The following MLLT1 variants were observed in gnomAD, a reference collection of about 807,000 sequenced individuals.
The protein encoded by MLLT1 is MLLT1 super elongation complex subunit, also known as protein ENL.
MLLT1 carries 11 observed loss-of-function variants against 55.1 expected under a neutral mutation model. The observed-to-expected ratio is 0.20, with a 90% CI of 0.13 to 0.33. The LOEUF is 0.33. Among genes scored for constraint, MLLT1 ranks in the 10% least tolerant of loss-of-function variants. The pLI, the probability that MLLT1 is intolerant of heterozygous loss-of-function variation, is 1.00. For synonymous variants in MLLT1, 323 were observed against 320.1 expected, an observed-to-expected ratio of 1.01 and a Z score of -0.10; for missense variants, 536 against 760.6, an observed-to-expected ratio of 0.70 and a Z score of 3.47.
intron 3 of MLLT1, among the ~76,000 whole-genome samples, chr19:6,254,004 C>T (rs1012161984): frequency 1.3e-5 from 2 of 152,108 alleles, no homozygotes; most frequent in Non-Finnish European, 2.9e-5. Context: ...GGAAGTGATA[C>T]GAGCATCTTT....
chr19:6,235,482 G>A lies in MLLT1; in HGVS notation c.277-4769C>T, dbSNP rs2091051487. ...CAGCCTGGGCTAAGAAGGGCACCTG[G>A]GGAGGCGCAGCCAGACGGTACCAAA... On this transcript the variant is annotated intron_variant, in intron 3 of 11. Coordinates refer to ENST00000252674, the MANE Select transcript of MLLT1 (RefSeq NM_005934.4). The surrounding 1 kb of genome is among the most constrained non-coding windows in gnomAD (Gnocchi z 5.5). Among the ~76,000 whole-genome samples the A allele has an allele frequency of 6.6e-6, 1 of 152,220 alleles. No individual in the cohort carries two copies. Among genetic ancestry groups the A allele is most frequent in the South Asian group, 2.1e-4 (1 of 4,830 alleles).
chr19:6,254,424 A>G (rs775815068), intron 3 of MLLT1, among the ~76,000 whole-genome samples: 27 of 152,366 alleles, frequency 1.8e-4, no homozygotes, highest in Non-Finnish European at 3.7e-4. Flanking sequence ...TGTTGAACAT[A>G]AGGAGGGGCA....
intron 1 of MLLT1, among the ~76,000 whole-genome samples, chr19:6,274,152 C>T (rs1178107398): frequency 6.6e-6 from 1 of 152,218 alleles, no homozygotes; most frequent in South Asian, 2.1e-4. Flanking sequence ...GGGTGCCCGG[C>T]CTGCTGCACC....
At chr19:6,215,588 G>A (rs775544417) in intron 8 of MLLT1, among the ~76,000 whole-genome samples, 8 of 152,312 alleles carry the variant, frequency 5.3e-5, no homozygotes, top group South Asian at 2.1e-4. Flanking sequence ...CCCAGCTTGC[G>A]TGAAGGTGGC....
chr19:6,236,718 G>A (rs557716647), intron 3 of MLLT1, among the ~76,000 whole-genome samples: 3 of 152,268 alleles, frequency 2.0e-5, no homozygotes, highest in Admixed American at 6.5e-5. Flanking sequence ...AGGGGGCTGC[G>A]GACCCCTTCC....
chr19:6,264,389 C>T (rs1252299511), intron 2 of MLLT1, among the ~76,000 whole-genome samples: 1 of 152,028 alleles, frequency 6.6e-6, no homozygotes, highest in East Asian at 1.9e-4. Context: ...ATTAGGAAAT[C>T]AGGAGGCCCG....
At chr19:6,213,608 C>T (rs1423696286) in intron 10 of MLLT1, 118 bp downstream of exon 10, 18 of 1,117,396 alleles carry the variant, frequency 1.6e-5, no homozygotes, top group Non-Finnish European at 2.1e-5. Context: ...TGTCCCTGCT[C>T]CTGCCCAGGA....
intron 5 of MLLT1, among the ~76,000 whole-genome samples, chr19:6,223,451 G>A (rs1280878468): frequency 6.6e-6 from 1 of 152,236 alleles, no homozygotes; most frequent in African/African-American, 2.4e-5. Context: ...TGAGGACAGA[G>A]GTAAGATGAT....
chr19:6,269,406 T>C lies in MLLT1; in HGVS notation c.193+1173A>G, dbSNP rs548138619. On this transcript the variant is annotated intron_variant, in intron 2 of 11. Coordinates refer to ENST00000252674, the MANE Select transcript of MLLT1 (RefSeq NM_005934.4). ...GAAGCGGTTTATAAACATCTGCCGC[T>C]GTCAGGAGCCTCCGCGGCCATCCTC... Among the ~76,000 whole-genome samples, 19 of 152,304 alleles carry C rather than the reference T, an allele frequency of 1.2e-4. 1 individual carries two copies. The highest frequency in any genetic ancestry group is 6.8e-3 in the Middle Eastern group (2 of 294).
In MLLT1 at chr19:6,211,456, G is replaced by C. The variant is rs1173726917; in HGVS notation, c.*1586C>G. ...TGGAGGCATGGGTCCCCACCAAGGA[G>C]TGTTCAGGATCTGCTGACAGAATCA... On this transcript the variant is annotated 3_prime_UTR_variant, in exon 12 of 12. Coordinates refer to ENST00000252674, the MANE Select transcript of MLLT1 (RefSeq NM_005934.4). This position sits in a 1 kb window ranked among gnomAD's most constrained non-coding sequence, Gnocchi z 4.6. The C allele has an allele frequency of 5.8e-6, 2 of 342,570 alleles. No homozygotes were observed. Among genetic ancestry groups the C allele is most frequent in the Non-Finnish European group, 9.2e-6 (2 of 218,382 alleles). The allele number at this position is 342,570 out of a possible 1,614,324, so 21.2% of individuals were successfully genotyped here.
Position 6,210,948 on chromosome 19 carries a change from A to C in MLLT1, c.*2094T>G. 1 of 231,012 alleles carries C rather than the reference A, an allele frequency of 4.3e-6. No homozygotes were observed. 14.3% of individuals were successfully genotyped at this position (231,012 alleles called of 1,614,324 possible). A position where few individuals can be genotyped will look rare whatever the true frequency, so the allele number is the denominator to read the frequency against. ...CTGAGAACTGGGTTGGTGCTTCCGG[A>C]GGCCTTGGAAACGGCAGGAAGGGCC... On this transcript the variant is annotated 3_prime_UTR_variant, in exon 12 of 12. Transcript: ENST00000252674. This position sits in a 1 kb window ranked among gnomAD's most constrained non-coding sequence, Gnocchi z 4.6.
At chr19:6,265,049 C>CAAAAA (rs2091336941) in intron 2 of MLLT1, among the ~76,000 whole-genome samples, 4 of 23,300 alleles carry the variant, frequency 1.7e-4, no homozygotes, top group Non-Finnish European at 4.6e-4. Flanking sequence ...AAAAAAAAAA[C>CAAAAA]AAAAAAACAA....
At chr19:6,261,451 C>A (rs973615813) in intron 3 of MLLT1, among the ~76,000 whole-genome samples, 149 of 152,216 alleles carry the variant, frequency 9.8e-4, no homozygotes, top group African/African-American at 3.4e-3. Flanking sequence ...AGTAACCAAG[C>A]GGGGCGGCAT....
At chr19:6,223,350 C>T (rs1258761383) in intron 5 of MLLT1, among the ~76,000 whole-genome samples, 2 of 152,198 alleles carry the variant, frequency 1.3e-5, no homozygotes, top group Admixed American at 6.5e-5. Flanking sequence ...CCGCCTGGGT[C>T]GCTTTCCTAA....
chr19:6,219,094 G>A lies in MLLT1; in HGVS notation c.1111-1053C>T, dbSNP rs1362364842. ...GGACCTTGAGTGCCTGGGAGCCCCC[G>A]GCCCCTCCCCTAGCATGTGGAGGAG... On this transcript the variant is annotated intron_variant, in intron 6 of 11. Transcript: ENST00000252674. The surrounding 1 kb of genome is among the most constrained non-coding windows in gnomAD (Gnocchi z 4.5). Among the ~76,000 whole-genome samples the A allele has an allele frequency of 1.3e-5, 2 of 152,200 alleles. No homozygotes were observed. The highest frequency in any genetic ancestry group is 1.9e-4 in the East Asian group (1 of 5,174).
At position 6,227,016 on chromosome 19, in the gene MLLT1, G is replaced by A; in HGVS notation, c.507C>T (p.Phe169=). 6.2e-7 allele frequency: 1 copy of A among 1,606,916 alleles called. No individual in the cohort carries two copies. Among genetic ancestry groups the A allele is most frequent in the Non-Finnish European group, 8.5e-7 (1 of 1,177,306 alleles). The change falls in exon 5 of 12, where the codon TTC becomes TTT. Residue 169 remains phenylalanine, a synonymous_variant. Transcript: ENST00000252674. This position sits in a 1 kb window ranked among gnomAD's most constrained non-coding sequence, Gnocchi z 5.1. ...ATGGTTTGGTCTTCTTGGGGTCAGA[G>A]AAGGCAGAGAGTGGAATTGTGGGTA... ...PMLPTIPLSA[F]SDPKKTKPSH...
Position 6,270,447 on chromosome 19 carries a change from C to G in MLLT1, c.193+132G>C, listed in dbSNP as rs1046302595. The stretch of plus-strand genomic sequence containing the variant: ...TGACACGGCTCCAGTGCCCCCACGC[C>G]GAGGGACGCAAGCTGGAACCTCATG... On this transcript the variant is annotated intron_variant, in intron 2 of 11. Coordinates refer to ENST00000252674, the MANE Select transcript of MLLT1 (RefSeq NM_005934.4). The surrounding 1 kb of genome is among the most constrained non-coding windows in gnomAD (Gnocchi z 7.1). 2 of 952,648 alleles carry G rather than the reference C, an allele frequency of 2.1e-6. No individual in the cohort carries two copies. The highest frequency in any genetic ancestry group is 1.7e-5 in the African/African-American group (1 of 59,942). The allele number at this position is 952,648 out of a possible 1,614,324, so 59.0% of individuals were successfully genotyped here. A position where few individuals can be genotyped will look rare whatever the true frequency, so the allele number is the denominator to read the frequency against.
At position 6,210,717 on chromosome 19, in the gene MLLT1, A is replaced by G. The variant is rs1297300991; in HGVS notation, c.*2325T>C. 4.4e-6 allele frequency: 1 copy of G among 229,860 alleles called. No individual in the cohort carries two copies. Among genetic ancestry groups the G allele is most frequent in the Non-Finnish European group, 8.6e-6 (1 of 116,010 alleles). 14.2% of individuals were successfully genotyped at this position (229,860 alleles called of 1,614,324 possible). On this transcript the variant is annotated 3_prime_UTR_variant, in exon 12 of 12. Coordinates refer to ENST00000252674, the MANE Select transcript of MLLT1 (RefSeq NM_005934.4). The surrounding 1 kb of genome is among the most constrained non-coding windows in gnomAD (Gnocchi z 4.6). ...AACAGGAAACACGTGGCAATCACAA[A>G]GTGCCAGGCCCCTTTCCTATGGAAG...
Position 6,213,031 on chromosome 19 carries a change from G to T in MLLT1, c.*11C>A, listed in dbSNP as rs778607196. ...GACCCCGGCGGTGGGGGCCCGGCAC[G>T]CGGCCCAGGGTCATGTGGCCACGGC... On this transcript the variant is annotated 3_prime_UTR_variant, in exon 12 of 12. Coordinates refer to ENST00000252674, the MANE Select transcript of MLLT1 (RefSeq NM_005934.4). The T allele has an allele frequency of 6.2e-7, 1 of 1,611,768 alleles. No individual in the cohort carries two copies. Among genetic ancestry groups the T allele is most frequent in the Non-Finnish European group, 8.5e-7 (1 of 1,178,726 alleles).
Sources: gnomAD v4.1 joint callset for allele counts (sites outside exome capture counted in the v4.1 genomes callset) on GRCh38, gnomAD v4.1.1 for gene constraint, Gnocchi (gnomAD v3.1) non-coding constraint, MANE v1.5 for transcripts, NCBI Gene and HGNC (gene_info 2026-07-23, HGNC 2026-07-21) for gene names.